KMT2C: variants seen among roughly 807,000 people sequenced by gnomAD.
The protein encoded by KMT2C is histone-lysine N-methyltransferase 2C.
Under a neutral mutation model 507.9 loss-of-function variants are expected in KMT2C, and 88 were observed. The observed-to-expected ratio is 0.17, with a 90% CI of 0.15 to 0.21. The LOEUF (loss-of-function observed/expected upper bound fraction) is 0.21, where lower values mean the gene tolerates loss of function less well. KMT2C is among the 10% of genes least tolerant of loss of function. KMT2C has a pLI of 1.00. For synonymous variants in KMT2C, 2,049 were observed against 2,080.8 expected (o/e 0.98, Z 0.42); for missense variants, 4,954 against 5,957.8 (o/e 0.83, Z 5.55).
chr7:152,166,607 T>C (rs2092737969), intron 42 of KMT2C, among the ~76,000 whole-genome samples: 1 of 152,176 alleles, frequency 6.6e-6, no homozygotes, highest in South Asian at 2.1e-4. Flanking sequence ...GCAAAATGAT[T>C]TCATTTTTCT....
chr7:152,412,758 T>C (rs1011680782), intron 1 of KMT2C, among the ~76,000 whole-genome samples: 1 of 152,170 alleles, frequency 6.6e-6, no homozygotes, highest in Admixed American at 6.5e-5. Flanking sequence ...ACACTTTAAA[T>C]ATTGTGGTGG....
chr7:152,255,204 T>C (rs1448828976), intron 9 of KMT2C, among the ~76,000 whole-genome samples: 2 of 147,344 alleles, frequency 1.4e-5, no homozygotes, highest in African/African-American at 5.0e-5. Context: ...TCTTGCTCTG[T>C]AGCCCAGGCT....
intron 26 of KMT2C, among the ~76,000 whole-genome samples, chr7:152,200,679 G>C (rs1352127343): frequency 6.6e-6 from 1 of 152,138 alleles, no homozygotes; most frequent in East Asian, 1.9e-4. Flanking sequence ...GCAGTGAGCT[G>C]AGATCACATC....
At position 152,181,216 on chromosome 7, in the gene KMT2C, G is replaced by A; in HGVS notation, c.6644C>T (p.Ser2215Phe). 6.2e-7 allele frequency: 1 copy of A among 1,614,186 alleles called. No homozygotes were observed. Among genetic ancestry groups the A allele is most frequent in the African/African-American group, 1.3e-5 (1 of 75,056 alleles). ...HPPGTPRPGISVPYSQPPATP... is the reference protein window; with the variant it reads ...HPPGTPRPGIFVPYSQPPATP... ...TGCTGGTGGCTGAGAGTAAGGGACAGAAATTCCAGGTCTTGGTGTTCCAGG... is the reference window on the plus strand; with the variant it reads ...TGCTGGTGGCTGAGAGTAAGGGACAAAAATTCCAGGTCTTGGTGTTCCAGG... Residue 2215 changes from serine (S) to phenylalanine (F), a missense_variant, in exon 36 of 59, where the codon TCT becomes TTT. Physicochemically the swap from Ser to Phe is radical, Grantham distance 155. This residue lies in a region of KMT2C where 1,689 missense variants were observed against 1,654.3 expected (regional missense o/e 1.02). Transcript: ENST00000262189.
Position 152,224,458 on chromosome 7 carries a change from G to C in KMT2C, c.3135C>G (p.Pro1045=), listed in dbSNP as rs1232638992. ...ACCATTTGCACTTCCAGCCTCCTTTGGGAACTGTCTGCAATGGAGGGTCTA... is the reference window on the plus strand; with the variant it reads ...ACCATTTGCACTTCCAGCCTCCTTTCGGAACTGTCTGCAATGGAGGGTCTA... ...YCLDPPLQTV[P]KGGWKCKWCV... is the part of the protein sequence containing the mutation. The change falls in exon 19 of 59, where the codon CCC becomes CCG. Residue 1045 remains proline, a synonymous_variant. Transcript: ENST00000262189. 1 of 1,611,496 alleles carries C rather than the reference G, an allele frequency of 6.2e-7. No individual in the cohort carries two copies. The highest frequency in any genetic ancestry group is 8.5e-7 in the Non-Finnish European group (1 of 1,179,612).
chr7:152,246,195 A>G lies in KMT2C; in HGVS notation c.2532+1707T>C, dbSNP rs571234842. Among the ~76,000 whole-genome samples the G allele has an allele frequency of 1.3e-3, 192 of 152,342 alleles. 1 individual carries two copies. Among genetic ancestry groups the G allele is most frequent in the Middle Eastern group, 0.01 (3 of 294 alleles). On this transcript the variant is annotated intron_variant, in intron 14 of 58. Coordinates refer to ENST00000262189, the MANE Select transcript of KMT2C (RefSeq NM_170606.3). Reference sequence around the variant, plus strand: ...CTCTCCCTAATAACAGCACTATATTAGCAGGTTCATCATCAAGTGAAGGCT... The same window carrying G: ...CTCTCCCTAATAACAGCACTATATTGGCAGGTTCATCATCAAGTGAAGGCT...
At chr7:152,368,416 G>C (rs577044715) in intron 1 of KMT2C, 2 of 1,139,950 alleles carry the variant, frequency 1.8e-6, no homozygotes, top group Non-Finnish European at 2.6e-6. Context: ...GATAGAGATG[G>C]AGATGGAGCA....
intron 1 of KMT2C, among the ~76,000 whole-genome samples, chr7:152,395,415 C>T (rs2097531944): frequency 6.6e-6 from 1 of 152,160 alleles, no homozygotes; most frequent in African/African-American, 2.4e-5. Flanking sequence ...TCTCGAACTC[C>T]TGTGCTTAAG....
intron 3 of KMT2C, among the ~76,000 whole-genome samples, chr7:152,319,438 A>G (rs1229046004): frequency 1.3e-5 from 2 of 152,182 alleles, no homozygotes; most frequent in African/African-American, 2.4e-5. Context: ...TTATGCCCAG[A>G]CAGGGCCACC....
chr7:152,222,620 A>G lies in KMT2C; in HGVS notation c.3386T>C (p.Ile1129Thr), dbSNP rs757867244. Residue 1129 changes from isoleucine (I) to threonine (T), a missense_variant, in exon 21 of 59, where the codon ATT (isoleucine) becomes ACT (threonine). By Grantham distance (89) the Ile-to-Thr change is moderately conservative (BLOSUM62 -1). This residue lies in a region of KMT2C where 52 missense variants were observed against 162.4 expected (regional missense o/e 0.32). Transcript: ENST00000262189. ...TEEEVENVAD[I>T]GFDCSMCRPY... ...TCTGCACATGCTACAATCAAAACCA[A>G]TGTCTGCTACATTTTCCACTTCTTC... The G allele has an allele frequency of 2.5e-6, 4 of 1,610,424 alleles. No individual in the cohort carries two copies. Among genetic ancestry groups the G allele is most frequent in the Non-Finnish European group, 3.4e-6 (4 of 1,178,518 alleles).
intron 1 of KMT2C, among the ~76,000 whole-genome samples, chr7:152,432,830 C>A (rs1307666737): frequency 6.6e-6 from 1 of 152,146 alleles, no homozygotes; most frequent in East Asian, 1.9e-4. Context: ...AAGATAAATA[C>A]ATAAATCCAC....
chr7:152,418,393 C>G (rs2097758639), intron 1 of KMT2C, among the ~76,000 whole-genome samples: 1 of 152,102 alleles, frequency 6.6e-6, no homozygotes, highest in Non-Finnish European at 1.5e-5. Context: ...AAAGGGGAGA[C>G]AGCTGTATGG....
chr7:152,290,039 TCAAAACAAACAAAA>T lies in KMT2C; in HGVS notation c.850-16186_850-16173del, dbSNP rs1449345245. On this transcript the variant is annotated intron_variant, in intron 6 of 58. Transcript: ENST00000262189. ...CTGGGCAACAGAGTGAGATTCTGTC[TCAAAACAAACAAAA>T]CAAAACAAACAAACAAACAAACAAA... 2.3e-4 allele frequency among the ~76,000 whole-genome samples: 35 copies of T among 150,690 alleles called. No homozygotes were observed. In the South Asian group the frequency reaches 6.4e-3, roughly 27 times the overall value.
At chr7:152,175,079 AG>A (rs1319987823) in intron 38 of KMT2C, among the ~76,000 whole-genome samples, 4 of 152,120 alleles carry the variant, frequency 2.6e-5, no homozygotes, top group African/African-American at 9.7e-5. Flanking sequence ...AATAGAATTG[AG>A]GGAAGTTTGT....
intron 23 of KMT2C, among the ~76,000 whole-genome samples, chr7:152,213,924 G>A (rs1365542107): frequency 5.3e-5 from 8 of 151,986 alleles, no homozygotes; most frequent in Non-Finnish European, 7.4e-5. Flanking sequence ...GACCTGAATA[G>A]CCATTTTTCC....
chr7:152,382,725 G>C (rs1297871844), intron 1 of KMT2C, among the ~76,000 whole-genome samples: 3 of 152,278 alleles, frequency 2.0e-5, no homozygotes, highest in Admixed American at 6.5e-5. Flanking sequence ...GTATAAATTG[G>C]TATAATTATC....
At chr7:152,192,900 A>G (rs545811385) in intron 31 of KMT2C, among the ~76,000 whole-genome samples, 99 of 152,014 alleles carry the variant, frequency 6.5e-4, no homozygotes, top group African/African-American at 2.3e-3. Flanking sequence ...CTAGCTGCGC[A>G]CAGAGGGCCA....
Position 152,142,440 on chromosome 7 carries a change from A to T in KMT2C, c.14343+2273T>A, listed in dbSNP as rs188537362. Among the ~76,000 whole-genome samples, 196 of 152,366 alleles carry T rather than the reference A, an allele frequency of 1.3e-3. 1 individual carries two copies. The highest frequency in any genetic ancestry group is 7.2e-4 in the Non-Finnish European group (49 of 68,026). ...TTTATCAGACCAACTAAACAAAAAA[A>T]TAGTAACACCAGCTACAAATGGGAA... On this transcript the variant is annotated intron_variant, in intron 55 of 58. Coordinates refer to ENST00000262189, the MANE Select transcript of KMT2C (RefSeq NM_170606.3).
At chr7:152,312,213 C>T (rs1413310834) in intron 4 of KMT2C, 3 of 246,520 alleles carry the variant, frequency 1.2e-5, no homozygotes, top group Non-Finnish European at 2.3e-5. Flanking sequence ...TTTTCCATTC[C>T]ATAATATAAT....
Sources: allele counts gnomAD v4.1 joint callset (sites outside exome capture counted in the v4.1 genomes callset), GRCh38; gene constraint gnomAD v4.1.1; regional missense constraint gnomAD v4.1.1; transcripts MANE v1.5; gene names NCBI Gene and HGNC (gene_info 2026-07-23, HGNC 2026-07-21).